Variants in ZNF384 observed in about 807,000 individuals in gnomAD.
The protein encoded by ZNF384 is zinc finger protein 384.
ZNF384 carries 20 observed loss-of-function variants against 65.0 expected under a neutral mutation model. That is an observed-to-expected ratio of 0.31 (90% CI 0.22 to 0.45). ZNF384 has a LOEUF of 0.45. ZNF384 is among the 20% of genes least tolerant of loss of function. The probability of loss-of-function intolerance (pLI) is 1.00; values close to 1 mark genes in which losing one functional copy is unlikely to be tolerated. For synonymous variants in ZNF384, 310 were observed against 303.9 expected, an observed-to-expected ratio of 1.02 and a Z score of -0.21; for missense variants, 549 against 769.4, an observed-to-expected ratio of 0.71 and a Z score of 3.39.
In ZNF384 at chr12:6,673,147, G is replaced by A. The variant is rs73266905; in HGVS notation, c.1004+69C>T. ...GAAAGAATAATACATGTGGAGAGAG[G>A]AGTAGGTGCAGGCAACATGGTCTTA... On this transcript the variant is annotated intron_variant, in intron 8 of 11. Transcript: ENST00000683879. This position sits in a 1 kb window ranked among gnomAD's most constrained non-coding sequence, Gnocchi z 4.7. The A allele has an allele frequency of 1.6e-3, 2,233 of 1,371,976 alleles. 34 individuals carry two copies. The African/African-American group carries it at 0.029, about 18-fold the overall frequency. The allele number at this position is 1,371,976 out of a possible 1,614,324, so 85.0% of individuals were successfully genotyped here. A position where few individuals can be genotyped will look rare whatever the true frequency, so the allele number is the denominator to read the frequency against.
chr12:6,677,629 C>T (rs1279124480), intron 6 of ZNF384, among the ~76,000 whole-genome samples: 2 of 152,122 alleles, frequency 1.3e-5, no homozygotes, highest in African/African-American at 4.8e-5. Context: ...AAGGGGGAGG[C>T]ATCCTATTCC....
Position 6,678,054 on chromosome 12 carries a change from C to A in ZNF384, c.686+73G>T. The stretch of plus-strand genomic sequence containing the variant: ...AGTGTAGCGCCTGACCGGGGCAGAA[C>A]ACAATGAGGGTACAGGGAGAATCAC... On this transcript the variant is annotated intron_variant, in intron 6 of 11. Transcript: ENST00000683879. The surrounding 1 kb of genome is among the most constrained non-coding windows in gnomAD (Gnocchi z 4.9). The A allele has an allele frequency of 7.0e-7, 1 of 1,424,192 alleles. No individual in the cohort carries two copies. The highest frequency in any genetic ancestry group is 9.7e-7 in the Non-Finnish European group (1 of 1,034,086). The allele number at this position is 1,424,192 out of a possible 1,614,324, so 88.2% of individuals were successfully genotyped here. A position where few individuals can be genotyped will look rare whatever the true frequency, so the allele number is the denominator to read the frequency against.
Position 6,672,966 on chromosome 12 carries a change from A to G in ZNF384, c.1004+250T>C, listed in dbSNP as rs1426083964. The stretch of plus-strand genomic sequence containing the variant: ...AGTAAAAGCAGGCCTGCTCTGCAGA[A>G]GATTTCCAAACACAGACACAGAGAG... On this transcript the variant is annotated intron_variant, in intron 8 of 11. Coordinates refer to ENST00000683879, the MANE Select transcript of ZNF384 (RefSeq NM_001385745.1). The surrounding 1 kb of genome is among the most constrained non-coding windows in gnomAD (Gnocchi z 4.4). 2 of 528,374 alleles carry G rather than the reference A, an allele frequency of 3.8e-6. No homozygotes were observed. The highest frequency in any genetic ancestry group is 3.8e-5 in the African/African-American group (2 of 52,710). The allele number at this position is 528,374 out of a possible 1,614,324, so 32.7% of individuals were successfully genotyped here.
upstream of ZNF384, chr12:6,689,529 A>G (rs1165692246): frequency 6.6e-6 from 1 of 152,450 alleles, no homozygotes; most frequent in East Asian, 1.9e-4. Context: ...GGGGGCGCTA[A>G]TGGAGAAAGA....
At chr12:6,684,832 G>A (rs1400237248) in intron 2 of ZNF384, among the ~76,000 whole-genome samples, 1 of 152,112 alleles carries the variant, frequency 6.6e-6, no homozygotes, top group African/African-American at 2.4e-5. Context: ...CAATGTAAAT[G>A]GCGCCCCCTA....
Position 6,678,199 on chromosome 12 carries a change from G to A in ZNF384, c.614C>T (p.Pro205Leu). Residue 205 changes from proline to leucine, a missense_variant, in exon 6 of 12, where the codon CCC (proline) becomes CTC (leucine). Transcript: ENST00000683879. The surrounding 1 kb of genome is among the most constrained non-coding windows in gnomAD (Gnocchi z 4.9). ...KKKRMLESGL[P>L]EMNDPYVLSP... ...GAGGACATAAGGGTCATTCATCTCG[G>A]GCAGCCCTGATTCCAGCATCCGCTT... The A allele has an allele frequency of 1.2e-6, 2 of 1,614,120 alleles. No individual in the cohort carries two copies. Among genetic ancestry groups the A allele is most frequent in the South Asian group, 2.2e-5 (2 of 91,076 alleles).
rs1949961860 is a variant in ZNF384, at chr12:6,667,122, T to C, written c.*592A>G. 9 of 244,232 alleles carry C rather than the reference T, an allele frequency of 3.7e-5. No homozygotes were observed. In the South Asian group the frequency reaches 1.2e-3, roughly 32 times the overall value. 15.1% of individuals were successfully genotyped at this position (244,232 alleles called of 1,614,324 possible). ...CCCCTTGGGGACCACATCTCAGCCC[T>C]TGCCCCCTTCAAATAAAAGGAGGTC... On this transcript the variant is annotated 3_prime_UTR_variant, in exon 12 of 12. Coordinates refer to ENST00000683879, the MANE Select transcript of ZNF384 (RefSeq NM_001385745.1).
At chr12:6,684,007 A>G (rs2137268646) in intron 2 of ZNF384, among the ~76,000 whole-genome samples, 1 of 152,034 alleles carries the variant, frequency 6.6e-6, no homozygotes. Context: ...ACAGAGTGAG[A>G]ATCCGTCTCA....
At chr12:6,683,288 CA>C (rs530418197) in intron 2 of ZNF384, among the ~76,000 whole-genome samples, 16 of 136,000 alleles carry the variant, frequency 1.2e-4, no homozygotes, top group East Asian at 2.1e-4. Context: ...AAGACTGTCT[CA>C]AAAAAAAAAT....
Position 6,667,981 on chromosome 12 carries a change from TTGAGCC to T in ZNF384, c.1554_1559del (p.Gln526_Ala527del), listed in dbSNP as rs751912868. 5 of 1,611,918 alleles carry T rather than the reference TTGAGCC, an allele frequency of 3.1e-6. No individual in the cohort carries two copies. In the African/African-American group the frequency reaches 4.0e-5, roughly 13 times the overall value. ...GGGAGGCCTGGGCCTGGGCCTGGGC[TTGAGCC>T]TGAGCCTGAGCCTGGGCTTGAGCTT... is the stretch of plus-strand genomic sequence containing the variant. On this transcript the variant is annotated inframe_deletion, in exon 12 of 12. Transcript: ENST00000683879.
intron 3 of ZNF384, 97 bp downstream of exon 3, chr12:6,679,358 G>A (rs1317465563): frequency 1.5e-6 from 2 of 1,316,758 alleles, no homozygotes; most frequent in African/African-American, 1.5e-5. Context: ...TCAGGGGTGG[G>A]GGACCCAGTA....
intron 7 of ZNF384, among the ~76,000 whole-genome samples, chr12:6,676,598 T>C (rs1953691193): frequency 1.3e-5 from 2 of 152,238 alleles, no homozygotes; most frequent in South Asian, 2.1e-4. Flanking sequence ...AGAAGGGCTC[T>C]ATAGAGTGTT....
At chr12:6,682,843 T>C (rs772408723) in intron 2 of ZNF384, among the ~76,000 whole-genome samples, 1 of 152,234 alleles carries the variant, frequency 6.6e-6, no homozygotes, top group Non-Finnish European at 1.5e-5. Flanking sequence ...ACATATTTAA[T>C]GAATTGAACA....
chr12:6,683,298 AT>A (rs1194413092), intron 2 of ZNF384, among the ~76,000 whole-genome samples: 1 of 151,924 alleles, frequency 6.6e-6, no homozygotes, highest in South Asian at 2.1e-4. Context: ...CAAAAAAAAA[AT>A]AAAATAAAAT....
At chr12:6,680,972 T>C (rs1565440780) in intron 2 of ZNF384, among the ~76,000 whole-genome samples, 2 of 152,062 alleles carry the variant, frequency 1.3e-5, no homozygotes, top group Non-Finnish European at 2.9e-5. Context: ...ATCCTAGCAC[T>C]TTGGGAGGCC....
chr12:6,672,535 G>A lies in ZNF384; in HGVS notation c.1005-3C>T. ...CCGTGTGCATCTTGGAGTGGATCCT[G>A]CCGGAGAGGAGAGGAGGGAAGGGGG... On this transcript the variant is annotated splice_region_variant and splice_polypyrimidine_tract_variant and intron_variant, in intron 8 of 11. Transcript: ENST00000683879. This position sits in a 1 kb window ranked among gnomAD's most constrained non-coding sequence, Gnocchi z 4.4. The A allele has an allele frequency of 6.2e-7, 1 of 1,613,706 alleles. No homozygotes were observed. Among genetic ancestry groups the A allele is most frequent in the Non-Finnish European group, 8.5e-7 (1 of 1,179,750 alleles).
rs1053791894 is a variant in ZNF384 at position 6,667,016 on chromosome 12, GAAGGA to G, written c.*693_*697del. The stretch of plus-strand genomic sequence containing the variant: ...AGAGTATAGGGTCTTTGTAGGCAGA[GAAGGA>G]GAGAGGCTTCAAGGAAATCCGTAAA... On this transcript the variant is annotated 3_prime_UTR_variant, in exon 12 of 12. Coordinates refer to ENST00000683879, the MANE Select transcript of ZNF384 (RefSeq NM_001385745.1). 1 of 220,282 alleles carries G rather than the reference GAAGGA, an allele frequency of 4.5e-6. No individual in the cohort carries two copies. The highest frequency in any genetic ancestry group is 2.3e-5 in the African/African-American group (1 of 44,414). The allele number at this position is 220,282 out of a possible 1,614,324, so 13.6% of individuals were successfully genotyped here.
At position 6,667,868 on chromosome 12, in the gene ZNF384, G is replaced by A. The variant is rs1453984027; in HGVS notation, c.1673C>T (p.Ala558Val). The A allele has an allele frequency of 1.2e-6, 2 of 1,613,926 alleles. No homozygotes were observed. The highest frequency in any genetic ancestry group is 8.5e-7 in the Non-Finnish European group (1 of 1,180,002). Residue 558 changes from alanine (A) to valine (V), a missense_variant, in exon 12 of 12, where the codon GCC becomes GTC. Ala to Val is a moderately conservative substitution (Grantham distance 64). Coordinates refer to ENST00000683879, the MANE Select transcript of ZNF384 (RefSeq NM_001385745.1). ...PPPHFQSPGA[A>V]PQGGGGGDSN... Reference sequence around the variant, plus strand: ...GTCCCCACCACCCCCACCCTGGGGGGCTGCCCCAGGAGACTGGAAGTGTGG... The same window carrying A: ...GTCCCCACCACCCCCACCCTGGGGGACTGCCCCAGGAGACTGGAAGTGTGG...
At chr12:6,688,059 TATTACTTTA>T (rs754601124) in intron 2 of ZNF384, 99 bp downstream of exon 2, 2 of 152,644 alleles carry the variant, frequency 1.3e-5, no homozygotes, top group African/African-American at 4.8e-5. Context: ...TTACAATTGC[TATTACTTTA>T]AGTATTCTAT....
Sources: gnomAD v4.1 joint callset for allele counts (sites outside exome capture counted in the v4.1 genomes callset) on GRCh38, gnomAD v4.1.1 for gene constraint, Gnocchi (gnomAD v3.1) non-coding constraint, MANE v1.5 for transcripts, NCBI Gene and HGNC (gene_info 2026-07-23, HGNC 2026-07-21) for gene names.